The following SH3GL2 variants were observed in gnomAD, a reference collection of about 807,000 sequenced individuals.
SH3GL2 encodes endophilin-A1.
A neutral mutation model predicts 46.0 loss-of-function variants in SH3GL2; 24 were observed. The observed-to-expected ratio is 0.52, with a 90% CI of 0.38 to 0.73. The LOEUF is 0.73. Among genes scored for constraint, SH3GL2 ranks in the 30% least tolerant of loss-of-function variants. The probability of loss-of-function intolerance (pLI) is 0.00; values close to 1 mark genes in which losing one functional copy is unlikely to be tolerated. For missense variants in SH3GL2, 413 were observed against 424.2 expected (o/e 0.97, Z 0.23); for synonymous variants, 196 against 147.1 (o/e 1.33, Z -2.40).
At chr9:17,685,612 A>G (rs989275050) in intron 1 of SH3GL2, among the ~76,000 whole-genome samples, 2 of 152,014 alleles carry the variant, frequency 1.3e-5, no homozygotes, top group African/African-American at 4.8e-5. Context: ...TCCATCTTGA[A>G]TTGATTTTTG....
At chr9:17,608,795 C>A (rs138710346) in intron 1 of SH3GL2, among the ~76,000 whole-genome samples, 2 of 152,166 alleles carry the variant, frequency 1.3e-5, no homozygotes, top group South Asian at 4.1e-4. Context: ...GTAGGGGGAA[C>A]ATGAATTATT....
chr9:17,716,029 G>GT (rs1344952702), intron 1 of SH3GL2, among the ~76,000 whole-genome samples: 24 of 152,132 alleles, frequency 1.6e-4, no homozygotes, highest in African/African-American at 5.5e-4. Flanking sequence ...AAAATCTTAA[G>GT]TTGAACTATC....
At chr9:17,662,631 G>T (rs1449054875) in intron 1 of SH3GL2, among the ~76,000 whole-genome samples, 1 of 151,574 alleles carries the variant, frequency 6.6e-6, no homozygotes, top group Non-Finnish European at 1.5e-5. Context: ...ATGTTAGCAT[G>T]CAGAATTAAC....
intron 1 of SH3GL2, among the ~76,000 whole-genome samples, chr9:17,667,076 C>T (rs1309793799): frequency 6.6e-6 from 1 of 152,014 alleles, no homozygotes; most frequent in Admixed American, 6.6e-5. Context: ...TGTCTTTTGG[C>T]TGTTTTTTAC....
chr9:17,640,849 A>G (rs1027053684), intron 1 of SH3GL2, among the ~76,000 whole-genome samples: 1 of 152,178 alleles, frequency 6.6e-6, no homozygotes, highest in Admixed American at 6.5e-5. Flanking sequence ...AGGCCTAATC[A>G]CTTTTTTCTT....
intron 3 of SH3GL2, among the ~76,000 whole-genome samples, chr9:17,776,801 T>G (rs1823653002): frequency 6.6e-6 from 1 of 152,226 alleles, no homozygotes; most frequent in South Asian, 2.1e-4. Flanking sequence ...CAACCATCTT[T>G]CTGGAAGAAA....
At chr9:17,636,159 T>C (rs1819538362) in intron 1 of SH3GL2, among the ~76,000 whole-genome samples, 1 of 152,196 alleles carries the variant, frequency 6.6e-6, no homozygotes, top group African/African-American at 2.4e-5. Context: ...TGATGGAGTT[T>C]AAAAAGAGTT....
chr9:17,739,888 C>G (rs1386036304), intron 1 of SH3GL2, among the ~76,000 whole-genome samples: 2 of 152,046 alleles, frequency 1.3e-5, no homozygotes, highest in Non-Finnish European at 1.5e-5. Flanking sequence ...TGAACCACAC[C>G]AGAAACAGTT....
At chr9:17,646,667 C>G (rs192187494) in intron 1 of SH3GL2, among the ~76,000 whole-genome samples, 1 of 151,822 alleles carries the variant, frequency 6.6e-6, no homozygotes, top group African/African-American at 2.4e-5. Context: ...TGGGGGGCCA[C>G]TCCAGGCCCT....
chr9:17,662,737 C>T (rs373021413), intron 1 of SH3GL2, among the ~76,000 whole-genome samples: 3 of 109,508 alleles, frequency 2.7e-5, no homozygotes, highest in Non-Finnish European at 5.1e-5. Context: ...GAGACAGAGT[C>T]TTGCTCTTGT....
At chr9:17,645,151 C>CTTTTTTTTTTTTTTTTTTTTTTTT (rs57611978) in intron 1 of SH3GL2, among the ~76,000 whole-genome samples, 5 of 68,778 alleles carry the variant, frequency 7.3e-5, no homozygotes, top group African/African-American at 2.0e-4. Flanking sequence ...GCAAACGCTG[C>CTTTTTTTTTTTTTTTTTTTTTTTT]TTTTTTTTTT....
chr9:17,758,994 C>T (rs909308139), intron 2 of SH3GL2, among the ~76,000 whole-genome samples: 2 of 152,112 alleles, frequency 1.3e-5, no homozygotes, highest in Non-Finnish European at 2.9e-5. Flanking sequence ...CTGGGTCTTC[C>T]CTGAGACCAC....
At chr9:17,683,243 G>A (rs145437042) in intron 1 of SH3GL2, among the ~76,000 whole-genome samples, 1 of 152,106 alleles carries the variant, frequency 6.6e-6, no homozygotes, top group Non-Finnish European at 1.5e-5. Context: ...CATGCAGGCA[G>A]TTCTCTACAG....
At chr9:17,623,416 G>C (rs2134607142) in intron 1 of SH3GL2, among the ~76,000 whole-genome samples, 1 of 152,184 alleles carries the variant, frequency 6.6e-6, no homozygotes, top group East Asian at 1.9e-4. Context: ...GTAGTGTGTA[G>C]ACTGAGAACA....
intron 1 of SH3GL2, among the ~76,000 whole-genome samples, chr9:17,711,804 A>G (rs909134014): frequency 6.6e-6 from 1 of 151,722 alleles, no homozygotes; most frequent in Non-Finnish European, 1.5e-5. Context: ...CTTTTAATGG[A>G]TGTATGTTTT....
At chr9:17,745,916 A>G (rs1212859001) in intron 1 of SH3GL2, among the ~76,000 whole-genome samples, 1 of 152,168 alleles carries the variant, frequency 6.6e-6, no homozygotes, top group Non-Finnish European at 1.5e-5. Context: ...ACTTAGGGAA[A>G]AGCATCTATC....
At chr9:17,655,331 T>A (rs1820048970) in intron 1 of SH3GL2, among the ~76,000 whole-genome samples, 1 of 152,280 alleles carries the variant, frequency 6.6e-6, no homozygotes, top group Non-Finnish European at 1.5e-5. Context: ...TCCCTCTTCC[T>A]GTGCCCAACT....
In SH3GL2 at chr9:17,795,893, C is replaced by A; in HGVS notation, c.*150C>A. On this transcript the variant is annotated 3_prime_UTR_variant, in exon 9 of 9. Coordinates refer to ENST00000380607, the MANE Select transcript of SH3GL2 (RefSeq NM_003026.5). ...CAAGTGACTTTGGTTGACTTGTGGG[C>A]TCCCACAGGAGTCATGGTGATGGAT... The A allele has an allele frequency of 1.6e-6, 1 of 638,958 alleles. No homozygotes were observed. The highest frequency in any genetic ancestry group is 2.7e-6 in the Non-Finnish European group (1 of 363,744). 39.6% of individuals were successfully genotyped at this position (638,958 alleles called of 1,614,324 possible).
chr9:17,607,942 G>T (rs900343685), intron 1 of SH3GL2, among the ~76,000 whole-genome samples: 3 of 152,040 alleles, frequency 2.0e-5, no homozygotes, highest in African/African-American at 7.2e-5. Context: ...AAATACTTGT[G>T]CTTGGTGCTA....
Sources: gnomAD v4.1 joint callset for allele counts (sites outside exome capture counted in the v4.1 genomes callset) on GRCh38, gnomAD v4.1.1 for gene constraint, MANE v1.5 for transcripts, NCBI Gene and HGNC (gene_info 2026-07-23, HGNC 2026-07-21) for gene names.